The following ABHD2 variants were observed in gnomAD, a reference collection of about 807,000 sequenced individuals.
ABHD2 encodes monoacylglycerol lipase ABHD2.
A neutral mutation model predicts 48.1 loss-of-function variants in ABHD2; 20 were observed. The observed-to-expected ratio is 0.42, with a 90% CI of 0.29 to 0.60. The LOEUF (loss-of-function observed/expected upper bound fraction) is 0.60, where lower values mean the gene tolerates loss of function less well. ABHD2 is among the 20% of genes least tolerant of loss of function. ABHD2 has a pLI of 0.24. For missense variants in ABHD2, 405 were observed against 550.9 expected, an observed-to-expected ratio of 0.74 and a Z score of 2.65; for synonymous variants, 209 against 214.2, an observed-to-expected ratio of 0.98 and a Z score of 0.21.
chr15:89,122,943 C>T (rs1306248415), intron 3 of ABHD2, among the ~76,000 whole-genome samples: 1 of 152,178 alleles, frequency 6.6e-6, no homozygotes, highest in Admixed American at 6.5e-5. Context: ...TCTAGAAGCC[C>T]CTGCAGAGTC....
Position 89,102,950 on chromosome 15 carries a change from G to A in ABHD2, c.-106-10775G>A, listed in dbSNP as rs941560210. On this transcript the variant is annotated intron_variant, in intron 1 of 10. Coordinates refer to ENST00000352732, the MANE Select transcript of ABHD2 (RefSeq NM_152924.5). This position sits in a 1 kb window ranked among gnomAD's most constrained non-coding sequence, Gnocchi z 4.8. ...AAACTTACTTCCAGAGTGGGAGGCA[G>A]GAGGAGTGAGCCTTGGAACAATAGT... Among the ~76,000 whole-genome samples the A allele has an allele frequency of 1.3e-5, 2 of 152,380 alleles. No homozygotes were observed. The highest frequency in any genetic ancestry group is 2.9e-5 in the Non-Finnish European group (2 of 68,042).
rs2051383616 is a variant in ABHD2, at chr15:89,195,390, T to C, written c.1245T>C (p.Ser415=). The change falls in exon 11 of 11, where the codon TCT becomes TCC. Residue 415 remains serine (S), a synonymous_variant. Coordinates refer to ENST00000352732, the MANE Select transcript of ABHD2 (RefSeq NM_152924.5). The surrounding 1 kb of genome is among the most constrained non-coding windows in gnomAD (Gnocchi z 5.1). ...GGGAGCGTAACAAGTTGCAGTGCTC[T>C]GACACGGAGCAGGTGGAGGCCGACC... is the stretch of plus-strand genomic sequence containing the variant. ...CQWERNKLQC[S]DTEQVEADLE 1.2e-6 allele frequency: 2 copies of C among 1,613,982 alleles called. No individual in the cohort carries two copies. The highest frequency in any genetic ancestry group is 1.7e-5 in the Admixed American group (1 of 60,004).
intron 3 of ABHD2, among the ~76,000 whole-genome samples, chr15:89,143,987 T>A (rs2050450759): frequency 6.6e-6 from 1 of 152,030 alleles, no homozygotes; most frequent in Non-Finnish European, 1.5e-5. Context: ...CCCCAAAAAG[T>A]TAAACATAGA....
At chr15:89,139,168 A>G (rs1405720263) in intron 3 of ABHD2, among the ~76,000 whole-genome samples, 2 of 152,164 alleles carry the variant, frequency 1.3e-5, no homozygotes, top group African/African-American at 4.8e-5. Flanking sequence ...CCGTAGTTGT[A>G]CCACTGCACT....
Position 89,116,623 on chromosome 15 carries a change from A to G in ABHD2, c.194+102A>G, listed in dbSNP as rs544488109. 11 of 1,271,318 alleles carry G rather than the reference A, an allele frequency of 8.7e-6. No homozygotes were observed. Among genetic ancestry groups the G allele is most frequent in the Middle Eastern group, 3.9e-4 (2 of 5,148 alleles). 78.8% of individuals were successfully genotyped at this position (1,271,318 alleles called of 1,614,324 possible). A position where few individuals can be genotyped will look rare whatever the true frequency, so the allele number is the denominator to read the frequency against. Reference sequence around the variant, plus strand: ...CTCTCATCGTGTCCTTAAGGCATCAATGGGATATGACGTCACTGGTGTTAA... The same window carrying G: ...CTCTCATCGTGTCCTTAAGGCATCAGTGGGATATGACGTCACTGGTGTTAA... On this transcript the variant is annotated intron_variant, in intron 3 of 10. Coordinates refer to ENST00000352732, the MANE Select transcript of ABHD2 (RefSeq NM_152924.5). This position sits in a 1 kb window ranked among gnomAD's most constrained non-coding sequence, Gnocchi z 4.6.
At position 89,177,642 on chromosome 15, in the gene ABHD2, A is replaced by T. The variant is rs1184438550; in HGVS notation, c.722+1647A>T. Reference sequence around the variant, plus strand: ...CTAGTCCCCCATCTTCCTACCAGGAATCTTTTCCTTCACTCCTCTGGACAC... The same window carrying T: ...CTAGTCCCCCATCTTCCTACCAGGATTCTTTTCCTTCACTCCTCTGGACAC... On this transcript the variant is annotated intron_variant, in intron 6 of 10. Coordinates refer to ENST00000352732, the MANE Select transcript of ABHD2 (RefSeq NM_152924.5). The surrounding 1 kb of genome is among the most constrained non-coding windows in gnomAD (Gnocchi z 5.6). 6.6e-6 allele frequency among the ~76,000 whole-genome samples: 1 copy of T among 151,982 alleles called. No homozygotes were observed. Among genetic ancestry groups the T allele is most frequent in the Non-Finnish European group, 1.5e-5 (1 of 68,012 alleles).
chr15:89,150,361 T>C (rs1364776641), intron 3 of ABHD2, among the ~76,000 whole-genome samples: 6 of 152,222 alleles, frequency 3.9e-5, no homozygotes, highest in Admixed American at 6.5e-5. Context: ...GGTTGTCCAA[T>C]TGACATTTTT....
chr15:89,105,228 AG>A (rs1441891413), intron 1 of ABHD2, among the ~76,000 whole-genome samples: 1 of 152,230 alleles, frequency 6.6e-6, no homozygotes, highest in Non-Finnish European at 1.5e-5. Context: ...TATTTTAGTA[AG>A]GGCACGTAAA....
At chr15:89,121,455 T>C (rs930932039) in intron 3 of ABHD2, among the ~76,000 whole-genome samples, 1 of 150,722 alleles carries the variant, frequency 6.6e-6, no homozygotes, top group Non-Finnish European at 1.5e-5. Context: ...TGTCTCCCTT[T>C]GGCTTTTTTT....
Position 89,137,031 on chromosome 15 carries a change from A to G in ABHD2, c.195-14646A>G, listed in dbSNP as rs141959752. ...GGAACTTTGCACTTAGCACCTTGGC[A>G]GCCCAGGTCTGGGAATAGTGGTGCC... On this transcript the variant is annotated intron_variant, in intron 3 of 10. Coordinates refer to ENST00000352732, the MANE Select transcript of ABHD2 (RefSeq NM_152924.5). The surrounding 1 kb of genome is among the most constrained non-coding windows in gnomAD (Gnocchi z 4.8). Among the ~76,000 whole-genome samples, 614 of 152,352 alleles carry G rather than the reference A, an allele frequency of 4.0e-3. 3 individuals are homozygous for G. The highest frequency in any genetic ancestry group is 6.4e-3 in the Non-Finnish European group (435 of 68,024).
chr15:89,089,209 G>A (rs1901494710), intron 1 of ABHD2, among the ~76,000 whole-genome samples: 1 of 152,256 alleles, frequency 6.6e-6, no homozygotes, highest in African/African-American at 2.4e-5. Flanking sequence ...TGTCCAAGCA[G>A]TGGCCTGATG....
At chr15:89,122,351 A>G (rs1160277937) in intron 3 of ABHD2, among the ~76,000 whole-genome samples, 1 of 152,236 alleles carries the variant, frequency 6.6e-6, no homozygotes, top group Non-Finnish European at 1.5e-5. Context: ...GAGACAGAAC[A>G]GGATTCCTGG....
rs532643434 is a variant in ABHD2, at chr15:89,161,903, AG to A, written c.538+6372del. On this transcript the variant is annotated intron_variant, in intron 5 of 10. Transcript: ENST00000352732. ...TTCTGGGGCCTAGAAGTCCCAGATCAGGGTGTCAGCAGGGTTGGTTTCTTCT... is the reference window on the plus strand; with the variant it reads ...TTCTGGGGCCTAGAAGTCCCAGATCAGGTGTCAGCAGGGTTGGTTTCTTCT... Among the ~76,000 whole-genome samples the A allele has an allele frequency of 7.2e-5, 11 of 152,316 alleles. No individual in the cohort carries two copies. The South Asian group carries it at 2.3e-3, about 32-fold the overall frequency.
the ABHD2 span, among the ~76,000 whole-genome samples, chr15:89,054,679 C>T: frequency 1.4e-5 from 2 of 145,664 alleles, no homozygotes; most frequent in African/African-American, 5.1e-5. Flanking sequence ...CACTCCATTT[C>T]AAAAAAAGAA....
At chr15:89,127,420 C>G (rs2050146294) in intron 3 of ABHD2, among the ~76,000 whole-genome samples, 1 of 151,692 alleles carries the variant, frequency 6.6e-6, no homozygotes, top group South Asian at 2.1e-4. Flanking sequence ...TGAGAAACAG[C>G]AGGTTATATG....
Position 89,168,731 on chromosome 15 carries a change from A to C in ABHD2, c.539-7081A>C, listed in dbSNP as rs187874348. Among the ~76,000 whole-genome samples the C allele has an allele frequency of 2.0e-5, 3 of 152,346 alleles. No homozygotes were observed. Among genetic ancestry groups the C allele is most frequent in the East Asian group, 1.9e-4 (1 of 5,188 alleles). ...CCAATGACATCTGAACATCTGCTCT[A>C]GGTCTCAAATAATTAGTCTCAAACC... is the stretch of plus-strand genomic sequence containing the variant. On this transcript the variant is annotated intron_variant, in intron 5 of 10. Transcript: ENST00000352732. The surrounding 1 kb of genome is among the most constrained non-coding windows in gnomAD (Gnocchi z 4.8).
intron 5 of ABHD2, among the ~76,000 whole-genome samples, chr15:89,171,716 A>G (rs2050931263): frequency 6.6e-6 from 1 of 152,138 alleles, no homozygotes; most frequent in African/African-American, 2.4e-5. Flanking sequence ...GGGAGTCTGA[A>G]AAGGGGTGGC....
intron 10 of ABHD2, among the ~76,000 whole-genome samples, chr15:89,194,722 C>G (rs1481402512): frequency 6.6e-6 from 1 of 152,158 alleles, no homozygotes; most frequent in Admixed American, 6.5e-5. Context: ...ATCTCAGCTC[C>G]CACTTCAGGC....
At chr15:89,115,756 C>T (rs2150813779) in intron 2 of ABHD2, among the ~76,000 whole-genome samples, 2 of 152,250 alleles carry the variant, frequency 1.3e-5, no homozygotes, top group Middle Eastern at 6.8e-3. Context: ...GCTGAGGTTG[C>T]TTTATCTCAG....
Sources: gnomAD v4.1 joint callset for allele counts (sites outside exome capture counted in the v4.1 genomes callset) on GRCh38, gnomAD v4.1.1 for gene constraint, Gnocchi (gnomAD v3.1) non-coding constraint, MANE v1.5 for transcripts, NCBI Gene and HGNC (gene_info 2026-07-23, HGNC 2026-07-21) for gene names.